Variants in TENM4 observed in about 807,000 individuals in gnomAD.
The protein encoded by TENM4 is teneurin transmembrane protein 4, also known as teneurin-4.
In TENM4, 82 loss-of-function variants were observed where a neutral mutation model predicts 243.3. That is an observed-to-expected ratio of 0.34 (90% confidence interval 0.28 to 0.40). TENM4 has a LOEUF of 0.40. Ranked by LOEUF, TENM4 falls within the 10% of genes least tolerant of loss-of-function variation. The probability of loss-of-function intolerance (pLI) is 1.00; values close to 1 mark genes in which losing one functional copy is unlikely to be tolerated. For missense variants in TENM4, 3,138 were observed against 3,673.3 expected (o/e 0.85, Z 3.77); for synonymous variants, 1,412 against 1,456.3 (o/e 0.97, Z 0.69).
intron 4 of TENM4, among the ~76,000 whole-genome samples, chr11:79,135,219 G>A (rs7108163): frequency 0.91 from 138,419 of 152,172 alleles, 63,906 homozygotes; most frequent in Middle Eastern, 0.99. Context: ...GAAGATATAT[G>A]AAGGGCCAAC....
intron 6 of TENM4, among the ~76,000 whole-genome samples, chr11:78,933,847 G>A (rs1408038896): frequency 6.6e-6 from 1 of 152,090 alleles, no homozygotes; most frequent in East Asian, 1.9e-4. Context: ...ATAAATGTGA[G>A]CACCTCTCTC....
intron 3 of TENM4, 39 bp downstream of exon 3, chr11:79,215,769 A>T (rs547803478): frequency 1.0e-6 from 1 of 985,902 alleles, no homozygotes; most frequent in South Asian, 4.7e-5. Flanking sequence ...ACAAATTTGC[A>T]GCTAATGACA....
chr11:79,124,355 T>C (rs1459049180), intron 4 of TENM4, among the ~76,000 whole-genome samples: 1 of 152,032 alleles, frequency 6.6e-6, no homozygotes, highest in African/African-American at 2.4e-5. Context: ...ATTGGCAAAA[T>C]CTAATCAGCT....
intron 1 of TENM4, among the ~76,000 whole-genome samples, chr11:79,322,379 T>C (rs1856905420): frequency 6.6e-6 from 1 of 152,230 alleles, no homozygotes; most frequent in African/African-American, 2.4e-5. Context: ...AATGATACTC[T>C]GCATTTTCAC....
intron 6 of TENM4, among the ~76,000 whole-genome samples, chr11:79,009,597 G>T (rs953492061): frequency 1.3e-5 from 2 of 152,130 alleles, no homozygotes; most frequent in African/African-American, 4.8e-5. Context: ...TGGATCCTGG[G>T]ACCCTGATTT....
chr11:78,830,035 C>T (rs1857942348), intron 12 of TENM4, among the ~76,000 whole-genome samples: 1 of 152,218 alleles, frequency 6.6e-6, no homozygotes, highest in African/African-American at 2.4e-5. Flanking sequence ...CTTCCGCCTA[C>T]ACCACAACAC....
chr11:78,909,907 G>T (rs1369366558), intron 6 of TENM4, among the ~76,000 whole-genome samples: 3 of 152,148 alleles, frequency 2.0e-5, no homozygotes, highest in Non-Finnish European at 4.4e-5. Context: ...CAGAGGGTGG[G>T]GGGTCACATT....
chr11:78,984,427 C>A (rs991606147), intron 6 of TENM4, among the ~76,000 whole-genome samples: 1 of 152,172 alleles, frequency 6.6e-6, no homozygotes. Flanking sequence ...GTGTGGATTG[C>A]ATTCGCCATT....
chr11:79,300,758 T>C (rs183914938), intron 1 of TENM4, among the ~76,000 whole-genome samples: 1 of 152,254 alleles, frequency 6.6e-6, no homozygotes, highest in Admixed American at 6.5e-5. Context: ...ATGTTCGTTA[T>C]GCTTTACTCA....
intron 13 of TENM4, among the ~76,000 whole-genome samples, chr11:78,813,302 G>A (rs1161679778): frequency 6.6e-6 from 1 of 152,188 alleles, no homozygotes; most frequent in African/African-American, 2.4e-5. Context: ...CAGGACTCGG[G>A]TGTAGTGTCA....
At chr11:79,327,265 G>A (rs1202749157) in intron 1 of TENM4, among the ~76,000 whole-genome samples, 1 of 152,202 alleles carries the variant, frequency 6.6e-6, no homozygotes, top group East Asian at 1.9e-4. Flanking sequence ...AATTGAGACA[G>A]TGGCCCCGGG....
chr11:79,272,043 G>T (rs910692511), intron 2 of TENM4, among the ~76,000 whole-genome samples: 5 of 152,134 alleles, frequency 3.3e-5, no homozygotes, highest in African/African-American at 1.2e-4. Context: ...AGATGACAAA[G>T]TCAAATTAAG....
chr11:79,234,193 CT>C (rs766973338), intron 2 of TENM4, among the ~76,000 whole-genome samples: 55 of 152,340 alleles, frequency 3.6e-4, no homozygotes, highest in Non-Finnish European at 6.0e-4. Context: ...CTGGCACTTT[CT>C]TCCCTTTGAC....
chr11:79,150,523 A>G (rs1305393959), intron 3 of TENM4, among the ~76,000 whole-genome samples: 2 of 152,068 alleles, frequency 1.3e-5, no homozygotes, highest in African/African-American at 4.8e-5. Flanking sequence ...AGTCATCTAG[A>G]CCACCACTTC....
At chr11:78,990,769 A>G (rs1484731371) in intron 6 of TENM4, among the ~76,000 whole-genome samples, 2 of 152,210 alleles carry the variant, frequency 1.3e-5, no homozygotes, top group African/African-American at 4.8e-5. Flanking sequence ...TGAATTTTTA[A>G]CCATGTGATT....
In TENM4 at chr11:78,887,717, CT is replaced by C. The variant is rs563144099; in HGVS notation, c.1084+2067del. 5.9e-5 allele frequency among the ~76,000 whole-genome samples: 9 copies of C among 152,282 alleles called. No individual in the cohort carries two copies. The South Asian group carries it at 1.9e-3, about 32-fold the overall frequency. ...AGCTCACTAATTCCCACAGTTGCCCCTATCTTTAAATAGCTGAAGACTAATC... is the reference window on the plus strand; with the variant it reads ...AGCTCACTAATTCCCACAGTTGCCCCATCTTTAAATAGCTGAAGACTAATC... On this transcript the variant is annotated intron_variant, in intron 9 of 33. Transcript: ENST00000278550.
At chr11:78,769,846 G>A (rs1856611418) in intron 18 of TENM4, among the ~76,000 whole-genome samples, 2 of 152,356 alleles carry the variant, frequency 1.3e-5, no homozygotes, top group South Asian at 4.1e-4. Flanking sequence ...TTTCTAGGCT[G>A]CTGAAACCCA....
rs150559246 is a variant in TENM4, at chr11:78,985,798, G to A, written c.493+78940C>T. ...TGTCTGTCTCAGTCATTTTCTTTAC[G>A]GCTGCTGGGTTCAATGAAGGTCAGC... On this transcript the variant is annotated intron_variant, in intron 6 of 33. Coordinates refer to ENST00000278550, the MANE Select transcript of TENM4 (RefSeq NM_001098816.3). 3.0e-3 allele frequency among the ~76,000 whole-genome samples: 460 copies of A among 151,270 alleles called. 2 individuals carry two copies. Among genetic ancestry groups the A allele is most frequent in the African/African-American group, 9.6e-3 (395 of 41,138 alleles).
At chr11:79,108,397 C>G (rs924077350) in intron 4 of TENM4, among the ~76,000 whole-genome samples, 2 of 152,138 alleles carry the variant, frequency 1.3e-5, no homozygotes, top group African/African-American at 4.8e-5. Context: ...GGCTGCTGGC[C>G]TAGCTGACAC....
Sources: allele counts gnomAD v4.1 joint callset (sites outside exome capture counted in the v4.1 genomes callset), GRCh38; gene constraint gnomAD v4.1.1; transcripts MANE v1.5; gene names NCBI Gene and HGNC (gene_info 2026-07-23, HGNC 2026-07-21).